The following LRRFIP1 variants were observed in gnomAD, a reference collection of about 807,000 sequenced individuals.
LRRFIP1 encodes LRR binding FLII interacting protein 1, also known as leucine-rich repeat flightless-interacting protein 1.
A neutral mutation model predicts 104.4 loss-of-function variants in LRRFIP1; 62 were observed. That is an observed-to-expected ratio of 0.59 (90% CI 0.48 to 0.73). LRRFIP1 has a LOEUF of 0.73. Ranked by LOEUF, LRRFIP1 falls within the 30% of genes least tolerant of loss-of-function variation. The probability of loss-of-function intolerance (pLI) is 0.00; values close to 1 mark genes in which losing one functional copy is unlikely to be tolerated. For missense variants in LRRFIP1, 796 were observed against 824.5 expected (o/e 0.97, Z 0.42); for synonymous variants, 300 against 299.0 (o/e 1.00, Z -0.03).
At chr2:237,710,945 C>T (rs2094048233) in intron 2 of LRRFIP1, among the ~76,000 whole-genome samples, 1 of 152,160 alleles carries the variant, frequency 6.6e-6, no homozygotes, top group Non-Finnish European at 1.5e-5. Context: ...CCTGTAGTCC[C>T]AGCTACTCAG....
At chr2:237,704,583 A>G (rs1179795440) in intron 1 of LRRFIP1, among the ~76,000 whole-genome samples, 1 of 152,130 alleles carries the variant, frequency 6.6e-6, no homozygotes. Flanking sequence ...TGGCTCATAT[A>G]TTTGTTGGTG....
chr2:237,710,421 C>G (rs1209823761), intron 2 of LRRFIP1, among the ~76,000 whole-genome samples: 1 of 151,512 alleles, frequency 6.6e-6, no homozygotes, highest in African/African-American at 2.4e-5. Flanking sequence ...GTAGCTGGGA[C>G]TACAGGTACC....
chr2:237,738,199 A>G (rs952712757), intron 10 of LRRFIP1, among the ~76,000 whole-genome samples: 16 of 151,724 alleles, frequency 1.1e-4, no homozygotes, highest in African/African-American at 2.9e-4. Context: ...TGGAGCACCC[A>G]TGAAGATCTG....
intron 7 of LRRFIP1, among the ~76,000 whole-genome samples, chr2:237,725,754 G>T (rs1438631921): frequency 2.6e-5 from 4 of 152,240 alleles, no homozygotes; most frequent in African/African-American, 9.6e-5. Flanking sequence ...AAGGCTGTAA[G>T]TGGAAAGGTG....
chr2:237,769,424 A>C (rs1423204097), intron 19 of LRRFIP1: 1 of 153,546 alleles, frequency 6.5e-6, no homozygotes, highest in East Asian at 1.9e-4. Flanking sequence ...CAGCTTTGGT[A>C]ACTGGGTTAG....
intron 14 of LRRFIP1, among the ~76,000 whole-genome samples, chr2:237,752,962 A>T (rs996365139): frequency 6.6e-6 from 1 of 152,084 alleles, no homozygotes; most frequent in Admixed American, 6.5e-5. Flanking sequence ...ACAGCCTGAC[A>T]CCCAGCCCTA....
chr2:237,769,080 C>G lies in LRRFIP1; in HGVS notation c.1460-863C>G, dbSNP rs148150722. 6 of 152,342 alleles carry G rather than the reference C, an allele frequency of 3.9e-5. No individual in the cohort carries two copies. In the East Asian group the frequency reaches 1.2e-3, roughly 29 times the overall value. 9.4% of individuals were successfully genotyped at this position (152,342 alleles called of 1,614,324 possible). On this transcript the variant is annotated intron_variant, in intron 19 of 23. Transcript: ENST00000308482. ...TAGAAGGAGGCTATGATGAAGCCTA[C>G]CCATAGGGCTTCTGGGGCTGAAACG...
At chr2:237,700,261 C>CA (rs2149879202) in intron 1 of LRRFIP1, among the ~76,000 whole-genome samples, 1 of 152,264 alleles carries the variant, frequency 6.6e-6, no homozygotes, top group South Asian at 2.1e-4. Flanking sequence ...AGCCTGGGTA[C>CA]ACCACGGCCC....
intron 1 of LRRFIP1, among the ~76,000 whole-genome samples, chr2:237,631,644 A>G (rs908231959): frequency 1.3e-5 from 2 of 152,152 alleles, no homozygotes; most frequent in Non-Finnish European, 2.9e-5. Context: ...TTCCTCTCCT[A>G]CCGCATTTCA....
intron 1 of LRRFIP1, among the ~76,000 whole-genome samples, chr2:237,642,761 T>C (rs2084215767): frequency 6.6e-6 from 1 of 152,124 alleles, no homozygotes; most frequent in Non-Finnish European, 1.5e-5. Context: ...GGTCCCAGGC[T>C]AAGGGTTTCA....
rs769603777 is a variant in LRRFIP1, at chr2:237,735,263, C to T, written c.490-5C>T. ...GCCCATCCTGACAGTCTCTTTTGGT[C>T]GCAGGCGTCTGTGTTGGATGAAGGC... On this transcript the variant is annotated splice_region_variant and splice_polypyrimidine_tract_variant and intron_variant, in intron 9 of 23. Transcript: ENST00000308482. The surrounding 1 kb of genome is among the most constrained non-coding windows in gnomAD (Gnocchi z 4.6). The T allele has an allele frequency of 1.8e-5, 29 of 1,612,816 alleles. No individual in the cohort carries two copies. In the Admixed American group the frequency reaches 2.2e-4, roughly 12 times the overall value.
chr2:237,646,423 C>T (rs1010056283), intron 1 of LRRFIP1, among the ~76,000 whole-genome samples: 8 of 151,808 alleles, frequency 5.3e-5, no homozygotes, highest in South Asian at 2.1e-4. Context: ...CCCCACCCTC[C>T]GACAAGCCCC....
intron 6 of LRRFIP1, 156 bp downstream of exon 6, chr2:237,720,978 G>A (rs2094517852): frequency 1.5e-6 from 1 of 657,616 alleles, no homozygotes; most frequent in African/African-American, 1.8e-5. Context: ...AATCAATGGG[G>A]GATGTTTCTT....
chr2:237,683,192 A>G (rs183585510), intron 1 of LRRFIP1, among the ~76,000 whole-genome samples: 460 of 152,344 alleles, frequency 3.0e-3, no homozygotes, highest in Non-Finnish European at 4.8e-3. Flanking sequence ...GATGCCACCA[A>G]CGGGGTGGAG....
intron 1 of LRRFIP1, among the ~76,000 whole-genome samples, chr2:237,630,871 C>T (rs888760132): frequency 6.6e-6 from 1 of 152,234 alleles, no homozygotes; most frequent in Admixed American, 6.5e-5. Flanking sequence ...CTTGGCTTTC[C>T]CGGGCTGCCA....
At chr2:237,738,451 T>C (rs993791618) in intron 10 of LRRFIP1, among the ~76,000 whole-genome samples, 7 of 152,230 alleles carry the variant, frequency 4.6e-5, no homozygotes, top group Non-Finnish European at 1.0e-4. Context: ...TATATGGTGC[T>C]GCGTGGGTCT....
intron 1 of LRRFIP1, among the ~76,000 whole-genome samples, chr2:237,679,631 G>T (rs1477199986): frequency 6.6e-6 from 1 of 151,902 alleles, no homozygotes; most frequent in East Asian, 1.9e-4. Flanking sequence ...TTTTTGAGAC[G>T]GTGTATCGCT....
At chr2:237,706,513 G>T (rs1249742200) in intron 1 of LRRFIP1, among the ~76,000 whole-genome samples, 1 of 152,214 alleles carries the variant, frequency 6.6e-6, no homozygotes, top group Non-Finnish European at 1.5e-5. Context: ...TACCAGGAAG[G>T]GCTGCACTTG....
At chr2:237,650,365 G>A (rs1207125539) in intron 1 of LRRFIP1, among the ~76,000 whole-genome samples, 1 of 151,964 alleles carries the variant, frequency 6.6e-6, no homozygotes, top group African/African-American at 2.4e-5. Flanking sequence ...GAGACTCCCT[G>A]GGGCTGTGTA....
Sources: allele counts gnomAD v4.1 joint callset (sites outside exome capture counted in the v4.1 genomes callset), GRCh38; gene constraint gnomAD v4.1.1; non-coding constraint Gnocchi (gnomAD v3.1); transcripts MANE v1.5; gene names NCBI Gene and HGNC (gene_info 2026-07-23, HGNC 2026-07-21).